The following PDPR variants were observed in gnomAD, a reference collection of about 807,000 sequenced individuals.
PDPR encodes the protein pyruvate dehydrogenase phosphatase regulatory subunit, mitochondrial.
A neutral mutation model predicts 102.2 loss-of-function variants in PDPR; 50 were observed. The observed-to-expected ratio is 0.49, with a 90% CI of 0.39 to 0.62. The LOEUF (loss-of-function observed/expected upper bound fraction) is 0.62, where lower values mean the gene tolerates loss of function less well. Ranked by LOEUF, PDPR falls within the 20% of genes least tolerant of loss-of-function variation. The pLI, the probability that PDPR is intolerant of heterozygous loss-of-function variation, is 0.00. For missense variants in PDPR, 625 were observed against 1,098.2 expected, an observed-to-expected ratio of 0.57 and a Z score of 6.09; for synonymous variants, 259 against 406.0, an observed-to-expected ratio of 0.64 and a Z score of 4.35.
chr16:70,155,315 C>G (rs1967022194), intron 18 of PDPR, among the ~76,000 whole-genome samples: 1 of 151,720 alleles, frequency 6.6e-6, no homozygotes, highest in African/African-American at 2.4e-5. Context: ...GAGTTTCGTT[C>G]TTGTTGTCCA....
rs1962477581 is a variant in PDPR at position 70,114,816 on chromosome 16, T to G, written c.-142-5T>G. 6.6e-6 allele frequency: 1 copy of G among 152,270 alleles called. No individual in the cohort carries two copies. The highest frequency in any genetic ancestry group is 2.1e-4 in the South Asian group (1 of 4,836). 9.4% of individuals were successfully genotyped at this position (152,270 alleles called of 1,614,324 possible). On this transcript the variant is annotated splice_region_variant and splice_polypyrimidine_tract_variant and intron_variant, in intron 1 of 18. Coordinates refer to ENST00000288050, the MANE Select transcript of PDPR (RefSeq NM_017990.5). ...CTTGTCTAGCCCGGTCCTCCATCCC[T>G]GCAGATGGAACTGTTTTCCCGCGTT...
Position 70,156,772 on chromosome 16 carries a change from G to A in PDPR, c.2533G>A (p.Ala845Thr), listed in dbSNP as rs199510800. ...CCGGGGAGAGTATGAGATTGACATC[G>A]CGGGATACCGCTTCCAGGCCAAGGC... Reference protein sequence around the residue: ...INRGEYEIDIAGYRFQAKAKL... With the variant: ...INRGEYEIDITGYRFQAKAKL... The change falls in exon 19 of 19, where the codon GCG becomes ACG. Residue 845 changes from alanine to threonine, a missense_variant. This residue lies in a region of PDPR where 303 missense variants were observed against 258.9 expected (regional missense o/e 1.17). Coordinates refer to ENST00000288050, the MANE Select transcript of PDPR (RefSeq NM_017990.5). 63 of 1,614,036 alleles carry A rather than the reference G, an allele frequency of 3.9e-5. No homozygotes were observed. The highest frequency in any genetic ancestry group is 3.1e-4 in the African/African-American group (23 of 75,060).
In PDPR at chr16:70,153,461, AC is replaced by A. The variant is rs1240569512; in HGVS notation, c.2124del (p.Tyr708Ter). 1.9e-6 allele frequency: 3 copies of A among 1,613,862 alleles called. No individual in the cohort carries two copies. The highest frequency in any genetic ancestry group is 2.5e-6 in the Non-Finnish European group (3 of 1,179,838). ...TACGGAATCCGGAATGCTGGGTATT[AC>A]GCTCTTCGCAGTCTCCGAATTGAGA... ...QKYGIRNAGY[Y>X]ALRSLRIEKF... On this transcript the variant is annotated frameshift_variant, in exon 18 of 19. Transcript: ENST00000288050. LOFTEE classifies it high-confidence loss of function.
rs2549291 is a variant in PDPR, at chr16:70,115,489, A to C, written c.-33+559A>C. On this transcript the variant is annotated intron_variant, in intron 2 of 18. Coordinates refer to ENST00000288050, the MANE Select transcript of PDPR (RefSeq NM_017990.5). Reference sequence around the variant, plus strand: ...CTTGTTGAAAAATACAGCTCCCTGGAGTGGCAGGATCAGAATCTGCCGAGG... The same window carrying C: ...CTTGTTGAAAAATACAGCTCCCTGGCGTGGCAGGATCAGAATCTGCCGAGG... Among the ~76,000 whole-genome samples the C allele has an allele frequency of 6.7e-4, 102 of 152,318 alleles. 1 individual carries two copies. The highest frequency in any genetic ancestry group is 1.6e-3 in the Admixed American group (25 of 15,300).
At chr16:70,118,172 T>C (rs1439469251) in intron 2 of PDPR, among the ~76,000 whole-genome samples, 1 of 150,818 alleles carries the variant, frequency 6.6e-6, no homozygotes, top group Non-Finnish European at 1.5e-5. Context: ...GAGATAGCAG[T>C]TGATGGAGCT....
chr16:70,151,184 TC>T (rs1966710855), intron 17 of PDPR, among the ~76,000 whole-genome samples: 2 of 152,262 alleles, frequency 1.3e-5, no homozygotes, highest in African/African-American at 4.8e-5. Context: ...GCCGCCTGCC[TC>T]AGCCTCCCAA....
chr16:70,150,831 G>A (rs1966677119), intron 17 of PDPR, among the ~76,000 whole-genome samples: 2 of 152,240 alleles, frequency 1.3e-5, no homozygotes, highest in Non-Finnish European at 2.9e-5. Context: ...CTATTTTTTA[G>A]TGCAGTGGGA....
At chr16:70,127,126 A>T in intron 3 of PDPR, 134 bp from the exon 4 acceptor site, 1 of 1,509,190 alleles carries the variant, frequency 6.6e-7, no homozygotes, top group South Asian at 1.4e-5. Flanking sequence ...AAGTGCTGGG[A>T]TTATAAGTGT....
chr16:70,126,168 CT>C (rs1228478912), intron 3 of PDPR, among the ~76,000 whole-genome samples: 2 of 152,332 alleles, frequency 1.3e-5, no homozygotes, highest in African/African-American at 2.4e-5. Context: ...CCTTTTCATT[CT>C]TTTTTATAGC....
Position 70,157,126 on chromosome 16 carries a change from T to A in PDPR, c.*247T>A, listed in dbSNP as rs4985509. On this transcript the variant is annotated 3_prime_UTR_variant, in exon 19 of 19. Transcript: ENST00000288050. ...TTCCCTTCCCACCCCTCACTCAGCT[T>A]CTCGTGGTGGCAGGAGGTATGTCTG... 2.9e-5 allele frequency: 20 copies of A among 682,538 alleles called. No individual in the cohort carries two copies. The East Asian group carries it at 6.1e-4, about 21-fold the overall frequency. 42.3% of individuals were successfully genotyped at this position (682,538 alleles called of 1,614,324 possible). A position where few individuals can be genotyped will look rare whatever the true frequency, so the allele number is the denominator to read the frequency against.
chr16:70,142,116 C>T lies in PDPR; in HGVS notation c.1316-118C>T. ...ACTCCGTCTTAAAAAAAAAAAAAAA[C>T]TACGTTAGCCTGGAAAGCTCTTTTG... On this transcript the variant is annotated intron_variant, in intron 11 of 18. Coordinates refer to ENST00000288050, the MANE Select transcript of PDPR (RefSeq NM_017990.5). 4.8e-6 allele frequency: 5 copies of T among 1,039,924 alleles called. No individual in the cohort carries two copies. In the South Asian group the frequency reaches 8.9e-5, roughly 18 times the overall value. 64.4% of individuals were successfully genotyped at this position (1,039,924 alleles called of 1,614,324 possible).
chr16:70,153,532 C>T lies in PDPR; in HGVS notation c.2194C>T (p.Pro732Ser), dbSNP rs748671587. The T allele has an allele frequency of 1.9e-6, 3 of 1,611,222 alleles. No individual in the cohort carries two copies. The highest frequency in any genetic ancestry group is 1.1e-5 in the South Asian group (1 of 90,460). Residue 732 changes from proline (P) to serine (S), a missense_variant, in exon 18 of 19, where the codon CCC (proline) becomes TCC (serine). Pro to Ser is a moderately conservative substitution (Grantham distance 74). This residue lies in a region of PDPR where 303 missense variants were observed against 258.9 expected (regional missense o/e 1.17). Coordinates refer to ENST00000288050, the MANE Select transcript of PDPR (RefSeq NM_017990.5). ...TCAGGATATAAATAACCTCACCACG[C>T]CCCTGGAATGTGGACGAGAGTCTCG... ...WGQDINNLTT[P>S]LECGRESRVK...
chr16:70,140,484 G>T (rs1965596868), intron 11 of PDPR, among the ~76,000 whole-genome samples: 2 of 152,174 alleles, frequency 1.3e-5, no homozygotes, highest in Admixed American at 6.6e-5. Context: ...TGACACTTTT[G>T]GTAGCCAATT....
At position 70,161,567 on chromosome 16, in the gene PDPR, T is replaced by G. The variant is rs976742271; in HGVS notation, c.*4688T>G. On this transcript the variant is annotated 3_prime_UTR_variant, in exon 19 of 19. Transcript: ENST00000288050. ...CAATAAGTGGTGAGCCATGGGTCTC[T>G]CCGTCAGCGCCTCCCTCCCCGCCAC... 5.9e-5 allele frequency: 9 copies of G among 152,812 alleles called. No individual in the cohort carries two copies. The highest frequency in any genetic ancestry group is 2.2e-4 in the African/African-American group (9 of 41,468). The allele number at this position is 152,812 out of a possible 1,614,324, so 9.5% of individuals were successfully genotyped here.
rs1379129212 is a variant in PDPR at position 70,161,512 on chromosome 16, G to C, written c.*4633G>C. ...GTTGAGTGGAAGAAATGGTAGACTT[G>C]TGAGGCTTGCCCCAGGCCTTGTGTA... On this transcript the variant is annotated 3_prime_UTR_variant, in exon 19 of 19. Coordinates refer to ENST00000288050, the MANE Select transcript of PDPR (RefSeq NM_017990.5). The C allele has an allele frequency of 5.9e-5, 9 of 152,972 alleles. No homozygotes were observed. Among genetic ancestry groups the C allele is most frequent in the African/African-American group, 2.2e-4 (9 of 41,478 alleles). 9.5% of individuals were successfully genotyped at this position (152,972 alleles called of 1,614,324 possible).
chr16:70,149,557 T>C (rs1278564914), intron 17 of PDPR, among the ~76,000 whole-genome samples: 1 of 152,130 alleles, frequency 6.6e-6, no homozygotes, highest in African/African-American at 2.4e-5. Context: ...TGAGCTACCA[T>C]GCCCGGCCTC....
intron 10 of PDPR, among the ~76,000 whole-genome samples, chr16:70,137,708 T>C (rs1374651672): frequency 6.6e-6 from 1 of 152,258 alleles, no homozygotes; most frequent in East Asian, 1.9e-4. Context: ...TCTTGAGTGA[T>C]TTGTAGAATG....
intron 10 of PDPR, among the ~76,000 whole-genome samples, chr16:70,136,876 G>A (rs1042145276): frequency 6.6e-6 from 1 of 152,210 alleles, no homozygotes; most frequent in Non-Finnish European, 1.5e-5. Context: ...CCGAGTAGCT[G>A]GGATTAGAGG....
At chr16:70,114,156 C>T (rs1300399323), upstream of PDPR, 10 of 152,200 alleles carry the variant, frequency 6.6e-5, no homozygotes, top group Admixed American at 6.5e-4. Flanking sequence ...CGGTGCCTCG[C>T]GAGACCCAAA....
Sources: allele counts gnomAD v4.1 joint callset (sites outside exome capture counted in the v4.1 genomes callset), GRCh38; gene constraint gnomAD v4.1.1; regional missense constraint gnomAD v4.1.1; transcripts MANE v1.5; gene names NCBI Gene and HGNC (gene_info 2026-07-23, HGNC 2026-07-21).